The following MTHFD2L variants were observed in gnomAD, a reference collection of about 807,000 sequenced individuals.
MTHFD2L encodes the protein methylenetetrahydrofolate dehydrogenase (NADP+ dependent) 2 like.
MTHFD2L carries 29 observed loss-of-function variants against 34.9 expected under a neutral mutation model. That is an observed-to-expected ratio of 0.83 (90% CI 0.62 to 1.13). The LOEUF is 1.13. Ranked by LOEUF, MTHFD2L falls within the 50% of genes most tolerant of loss-of-function variation. MTHFD2L has a pLI of 0.00. For missense variants in MTHFD2L, 481 were observed against 446.5 expected (o/e 1.08, Z -0.70); for synonymous variants, 167 against 155.7 (o/e 1.07, Z -0.54).
chr4:74,175,553 C>G, intron 3 of MTHFD2L, 150 bp downstream of exon 3: 1 of 917,268 alleles, frequency 1.1e-6, no homozygotes, highest in East Asian at 2.5e-5. Flanking sequence ...ATAGTGATTT[C>G]TGAATGATTT....
upstream of MTHFD2L, among the ~76,000 whole-genome samples, chr4:74,118,400 C>A (rs996977574): frequency 6.6e-6 from 1 of 152,142 alleles, no homozygotes; most frequent in Non-Finnish European, 1.5e-5. Flanking sequence ...ATACCAGGAA[C>A]TGAAACTTTT....
intron 6 of MTHFD2L, among the ~76,000 whole-genome samples, chr4:74,253,623 C>T (rs1364834843): frequency 1.3e-5 from 2 of 152,158 alleles, no homozygotes; most frequent in African/African-American, 2.4e-5. Flanking sequence ...TAGGCCACCT[C>T]CCACAAGCAT....
upstream of MTHFD2L, among the ~76,000 whole-genome samples, chr4:74,122,735 C>T (rs374370660): frequency 7.9e-5 from 12 of 152,252 alleles, no homozygotes; most frequent in East Asian, 1.7e-3. Flanking sequence ...GATCCTGAAA[C>T]AGTTTTATCT....
At chr4:74,180,748 C>T in intron 3 of MTHFD2L, 1 of 445,726 alleles carries the variant, frequency 2.2e-6, no homozygotes, top group Non-Finnish European at 4.6e-6. Flanking sequence ...CAGGCTTGCT[C>T]TTTGTCCAGT....
At chr4:74,282,846 C>T (rs538576156) in intron 7 of MTHFD2L, among the ~76,000 whole-genome samples, 2 of 152,078 alleles carry the variant, frequency 1.3e-5, no homozygotes, top group African/African-American at 4.8e-5. Context: ...TACGTATATA[C>T]ATATGTCTGT....
chr4:74,211,584 G>GCCA (rs1736333579), intron 5 of MTHFD2L, among the ~76,000 whole-genome samples: 1 of 152,170 alleles, frequency 6.6e-6, no homozygotes, highest in South Asian at 2.1e-4. Context: ...GATTTTGTTT[G>GCCA]CCAGTATTTT....
intron 1 of MTHFD2L, among the ~76,000 whole-genome samples, chr4:74,132,805 T>C (rs144821918): frequency 6.6e-6 from 1 of 152,192 alleles, no homozygotes; most frequent in African/African-American, 2.4e-5. Context: ...TTTTATTATA[T>C]CAGTTCGCAT....
chr4:74,135,198 T>C (rs1424716576), intron 1 of MTHFD2L, among the ~76,000 whole-genome samples: 2 of 151,802 alleles, frequency 1.3e-5, no homozygotes, highest in Non-Finnish European at 2.9e-5. Context: ...AAGATAAAAC[T>C]GTAATGGCAG....
At chr4:74,199,725 A>G in intron 3 of MTHFD2L, 69 bp from the exon 4 acceptor site, 2 of 1,346,694 alleles carry the variant, frequency 1.5e-6, no homozygotes, top group Non-Finnish European at 2.0e-6. Context: ...TTAGATTCTC[A>G]GATTTCATTT....
intron 1 of MTHFD2L, among the ~76,000 whole-genome samples, chr4:74,144,279 C>T (rs1372606162): frequency 6.6e-6 from 1 of 151,968 alleles, no homozygotes; most frequent in Non-Finnish European, 1.5e-5. Context: ...ATGGTGAAAC[C>T]CTGTCTCTAC....
chr4:74,145,688 C>A (rs1448393564), intron 1 of MTHFD2L, among the ~76,000 whole-genome samples: 1 of 152,184 alleles, frequency 6.6e-6, no homozygotes, highest in East Asian at 1.9e-4. Flanking sequence ...CAAATTGTTA[C>A]TCCCAATGTT....
At chr4:74,241,004 A>G (rs1012104680) in intron 6 of MTHFD2L, among the ~76,000 whole-genome samples, 14 of 152,024 alleles carry the variant, frequency 9.2e-5, no homozygotes, top group Admixed American at 4.6e-4. Flanking sequence ...GACAGGGGAG[A>G]CTGGAAGCCC....
intron 3 of MTHFD2L, among the ~76,000 whole-genome samples, chr4:74,188,403 T>C (rs1731739642): frequency 6.6e-6 from 1 of 152,156 alleles, no homozygotes; most frequent in Admixed American, 6.5e-5. Flanking sequence ...TCTCTTCTTA[T>C]AAGGACACTA....
At chr4:74,229,291 C>T (rs888544654) in intron 6 of MTHFD2L, among the ~76,000 whole-genome samples, 3 of 152,056 alleles carry the variant, frequency 2.0e-5, no homozygotes, top group Non-Finnish European at 4.4e-5. Flanking sequence ...TATAACCAGA[C>T]AATAGGAATA....
chr4:74,116,477 A>G lies in MTHFD2L; in HGVS notation c.-144+1820A>G, dbSNP rs914898105. ...GCAGTCCTAATCAACTTGATTAAAT[A>G]TATGACTTCACAGCAAATTGCATAA... On this transcript the variant is annotated intron_variant and NMD_transcript_variant, in intron 2 of 9. Coordinates refer to the MTHFD2L transcript ENST00000429519. Among the ~76,000 whole-genome samples the G allele has an allele frequency of 2.0e-5, 3 of 152,208 alleles. No individual in the cohort carries two copies. In the East Asian group the frequency reaches 5.8e-4, roughly 29 times the overall value.
At chr4:74,119,845 G>T (rs1480781536), upstream of MTHFD2L, among the ~76,000 whole-genome samples, 1 of 152,054 alleles carries the variant, frequency 6.6e-6, no homozygotes, top group Non-Finnish European at 1.5e-5. Context: ...CATTGCACCA[G>T]ATAATTCACA....
At chr4:74,250,054 G>C (rs1237605009) in intron 6 of MTHFD2L, among the ~76,000 whole-genome samples, 1 of 152,066 alleles carries the variant, frequency 6.6e-6, no homozygotes, top group Non-Finnish European at 1.5e-5. Context: ...AGTTCTCCTG[G>C]ATAATATCCT....
At chr4:74,243,576 TA>T (rs1742007080) in intron 6 of MTHFD2L, among the ~76,000 whole-genome samples, 1 of 152,202 alleles carries the variant, frequency 6.6e-6, no homozygotes, top group South Asian at 2.1e-4. Context: ...TTTTTTACTT[TA>T]AAAAATTATT....
rs534280259 is a variant in MTHFD2L, at chr4:74,290,892, A to T, written c.931+9342A>T. Among the ~76,000 whole-genome samples the T allele has an allele frequency of 8.2e-5, 12 of 146,956 alleles. No homozygotes were observed. In the East Asian group the frequency reaches 2.4e-3, roughly 30 times the overall value. On this transcript the variant is annotated intron_variant, in intron 7 of 7. Coordinates refer to ENST00000325278, the MANE Select transcript of MTHFD2L (RefSeq NM_001144978.3). ...TCTCCTTACAGGTTTAATTTGCCTT[A>T]CTCATTTTGCTCTTAATGCTATACT...
Sources: allele counts gnomAD v4.1 joint callset (sites outside exome capture counted in the v4.1 genomes callset), GRCh38; gene constraint gnomAD v4.1.1; transcripts MANE v1.5; gene names NCBI Gene and HGNC (gene_info 2026-07-23, HGNC 2026-07-21).